The following PNMA8C variants were observed in gnomAD, a reference collection of about 807,000 sequenced individuals.
PNMA8C encodes the protein paraneoplastic antigen-like protein 8C.
rs1213831545 is a variant in PNMA8C, at chr19:46,425,011, T to C, written c.*2734A>G. ...GAGAAGTGGTAGGATTTTGATTTCA[T>C]GGGCAACATTGAACAACCACGCATG... is the stretch of plus-strand genomic sequence containing the variant. On this transcript the variant is annotated 3_prime_UTR_variant, in exon 1 of 1. Transcript: ENST00000617053. The C allele has an allele frequency of 6.6e-6, 1 of 152,230 alleles. No homozygotes were observed. The highest frequency in any genetic ancestry group is 2.4e-5 in the African/African-American group (1 of 41,462). 9.4% of individuals were successfully genotyped at this position (152,230 alleles called of 1,614,324 possible). A position where few individuals can be genotyped will look rare whatever the true frequency, so the allele number is the denominator to read the frequency against.
rs1419910224 is a variant in PNMA8C at position 46,427,984 on chromosome 19, C to A, written c.376G>T (p.Ala126Ser). Residue 126 changes from alanine (A) to serine (S), a missense_variant, in exon 1 of 1, where the codon GCC becomes TCC. Ala to Ser is a moderately conservative substitution (Grantham distance 99). Transcript: ENST00000617053. ...CACAGTTCCTGCCTCAGGACCCGGG[C>A]CATATCCTCCACCGTCCTGCCCTCG... is the stretch of plus-strand genomic sequence containing the variant. ...QSEGRTVEDM[A>S]RVLRQELCPP... 2.5e-6 allele frequency: 1 copy of A among 398,572 alleles called. No individual in the cohort carries two copies. Among genetic ancestry groups the A allele is most frequent in the African/African-American group, 2.1e-5 (1 of 48,610 alleles). 24.7% of individuals were successfully genotyped at this position (398,572 alleles called of 1,614,324 possible).
In PNMA8C at chr19:46,428,865, G is replaced by A. The variant is rs1342002537; in HGVS notation, c.-506C>T. ...GCGCGTCCCTCACCGCTGGCCCAGA[G>A]GTTGCACTCAGTGCCCTGTCGCCGG... On this transcript the variant is annotated 5_prime_UTR_variant, in exon 1 of 1. Transcript: ENST00000617053. 6.5e-6 allele frequency: 1 copy of A among 152,734 alleles called. No individual in the cohort carries two copies. Among genetic ancestry groups the A allele is most frequent in the Admixed American group, 6.5e-5 (1 of 15,302 alleles). The allele number at this position is 152,734 out of a possible 1,614,324, so 9.5% of individuals were successfully genotyped here.
rs1601469918 is a variant in PNMA8C at position 46,427,699 on chromosome 19, C to A, written c.*46G>T. The A allele has an allele frequency of 2.5e-6, 1 of 398,068 alleles. No individual in the cohort carries two copies. The highest frequency in any genetic ancestry group is 4.4e-6 in the Non-Finnish European group (1 of 226,092). 24.7% of individuals were successfully genotyped at this position (398,068 alleles called of 1,614,324 possible). ...GGTACCTACCCTCCCACAGTCATCA[C>A]CCACACCCCCTCAGACACTCCCCAC... On this transcript the variant is annotated 3_prime_UTR_variant, in exon 1 of 1. Transcript: ENST00000617053.
Position 46,425,442 on chromosome 19 carries a change from G to C in PNMA8C, c.*2303C>G, listed in dbSNP as rs546563873. The C allele has an allele frequency of 6.6e-6, 1 of 152,058 alleles. No homozygotes were observed. The highest frequency in any genetic ancestry group is 2.4e-5 in the African/African-American group (1 of 41,342). The allele number at this position is 152,058 out of a possible 1,614,324, so 9.4% of individuals were successfully genotyped here. On this transcript the variant is annotated 3_prime_UTR_variant, in exon 1 of 1. Transcript: ENST00000617053. ...GTCTCTACTAAAAATACAAAAATTAGCTGGGCGTGGTGGTGCGCACCTGTA... is the reference window on the plus strand; with the variant it reads ...GTCTCTACTAAAAATACAAAAATTACCTGGGCGTGGTGGTGCGCACCTGTA...
Position 46,428,465 on chromosome 19 carries a change from C to G in PNMA8C, c.-106G>C. On this transcript the variant is annotated 5_prime_UTR_variant, in exon 1 of 1. Coordinates refer to ENST00000617053, the MANE Select transcript of PNMA8C (RefSeq NM_001386793.1). ...TGCCGCGATTCCTTCCCAAAGGCTA[C>G]GAGAGAGTGAGGCCTCAGGGGCCGG... The G allele has an allele frequency of 2.5e-6, 1 of 397,952 alleles. No individual in the cohort carries two copies. The highest frequency in any genetic ancestry group is 4.4e-6 in the Non-Finnish European group (1 of 226,114). 24.7% of individuals were successfully genotyped at this position (397,952 alleles called of 1,614,324 possible).
In PNMA8C at chr19:46,424,822, AG is replaced by A. The variant is rs1176634272; in HGVS notation, c.*2922del. The A allele has an allele frequency of 2.0e-5, 3 of 152,218 alleles. No individual in the cohort carries two copies. Among genetic ancestry groups the A allele is most frequent in the Non-Finnish European group, 4.4e-5 (3 of 68,048 alleles). 9.4% of individuals were successfully genotyped at this position (152,218 alleles called of 1,614,324 possible). A position where few individuals can be genotyped will look rare whatever the true frequency, so the allele number is the denominator to read the frequency against. On this transcript the variant is annotated 3_prime_UTR_variant, in exon 1 of 1. Transcript: ENST00000617053. ...TCAGGGGTTTACAGAAGCCAGATGC[AG>A]CCCTCCAACAGCTGGCACATTCAAT...
rs1969416787 is a variant in PNMA8C at position 46,425,936 on chromosome 19, A to C, written c.*1809T>G. 6.6e-6 allele frequency: 1 copy of C among 152,122 alleles called. No individual in the cohort carries two copies. The allele number at this position is 152,122 out of a possible 1,614,324, so 9.4% of individuals were successfully genotyped here. On this transcript the variant is annotated 3_prime_UTR_variant, in exon 1 of 1. Transcript: ENST00000617053. ...TCTGACATTACAATTTGGTAGGCTG[A>C]GTCTTTGTGTTGTGTGTAAGTTACA... is the stretch of plus-strand genomic sequence containing the variant.
rs1969421046 is a variant in PNMA8C, at chr19:46,426,494, G to A, written c.*1251C>T. The A allele has an allele frequency of 6.6e-6, 1 of 151,820 alleles. No individual in the cohort carries two copies. Among genetic ancestry groups the A allele is most frequent in the Non-Finnish European group, 1.5e-5 (1 of 67,984 alleles). 9.4% of individuals were successfully genotyped at this position (151,820 alleles called of 1,614,324 possible). On this transcript the variant is annotated 3_prime_UTR_variant, in exon 1 of 1. Transcript: ENST00000617053. ...AGTTTGTGCCAGAGGTACATTCAAG[G>A]TACATGCTTTTGAAACACAGAAAAC...
In PNMA8C at chr19:46,428,563, C is replaced by A. The variant is rs1969437058; in HGVS notation, c.-204G>T. Reference sequence around the variant, plus strand: ...AGCCCCTGCCTGCAGGGCTGTGCAACGTCGGGGCTTCTGTGGCTCCCTCTG... The same window carrying A: ...AGCCCCTGCCTGCAGGGCTGTGCAAAGTCGGGGCTTCTGTGGCTCCCTCTG... On this transcript the variant is annotated 5_prime_UTR_variant, in exon 1 of 1. Coordinates refer to ENST00000617053, the MANE Select transcript of PNMA8C (RefSeq NM_001386793.1). The A allele has an allele frequency of 2.5e-6, 1 of 394,384 alleles. No individual in the cohort carries two copies. Among genetic ancestry groups the A allele is most frequent in the Non-Finnish European group, 4.5e-6 (1 of 223,842 alleles). The allele number at this position is 394,384 out of a possible 1,614,324, so 24.4% of individuals were successfully genotyped here. A position where few individuals can be genotyped will look rare whatever the true frequency, so the allele number is the denominator to read the frequency against.
Position 46,424,808 on chromosome 19 carries a change from C to T in PNMA8C, c.*2937G>A, listed in dbSNP as rs898266117. ...ACCCCCTTTTGAAATCAGGGGTTTA[C>T]AGAAGCCAGATGCAGCCCTCCAACA... On this transcript the variant is annotated 3_prime_UTR_variant, in exon 1 of 1. Coordinates refer to ENST00000617053, the MANE Select transcript of PNMA8C (RefSeq NM_001386793.1). The T allele has an allele frequency of 1.3e-5, 2 of 152,168 alleles. No homozygotes were observed. The highest frequency in any genetic ancestry group is 2.9e-5 in the Non-Finnish European group (2 of 68,024). The allele number at this position is 152,168 out of a possible 1,614,324, so 9.4% of individuals were successfully genotyped here.
In PNMA8C at chr19:46,428,046, A is replaced by G. The variant is rs1969432931; in HGVS notation, c.314T>C (p.Ile105Thr). The G allele has an allele frequency of 1.5e-5, 6 of 398,440 alleles. No individual in the cohort carries two copies. Among genetic ancestry groups the G allele is most frequent in the Non-Finnish European group, 2.7e-5 (6 of 226,144 alleles). The allele number at this position is 398,440 out of a possible 1,614,324, so 24.7% of individuals were successfully genotyped here. ...GAGGTTCAGCTTGGTCAGGAATTCA[A>G]TGTCCTGCTTCCGGGGCATGTAGAC... ...RVVYMPRKQD[I>T]EFLTKLNLFL... The change falls in exon 1 of 1, where the codon ATT becomes ACT. Residue 105 changes from isoleucine (I) to threonine (T), a missense_variant. Transcript: ENST00000617053.
At position 46,425,153 on chromosome 19, in the gene PNMA8C, T is replaced by C. The variant is rs957654910; in HGVS notation, c.*2592A>G. The C allele has an allele frequency of 6.6e-6, 1 of 152,076 alleles. No individual in the cohort carries two copies. Among genetic ancestry groups the C allele is most frequent in the Non-Finnish European group, 1.5e-5 (1 of 68,048 alleles). 9.4% of individuals were successfully genotyped at this position (152,076 alleles called of 1,614,324 possible). ...ACTATCCCTTATTATACAACGATTA[T>C]GCCTTGATGGGAGAGCAGCATGCAA... On this transcript the variant is annotated 3_prime_UTR_variant, in exon 1 of 1. Coordinates refer to ENST00000617053, the MANE Select transcript of PNMA8C (RefSeq NM_001386793.1).
In PNMA8C at chr19:46,425,226, G is replaced by C. The variant is rs939673084; in HGVS notation, c.*2519C>G. 1 of 152,100 alleles carries C rather than the reference G, an allele frequency of 6.6e-6. No homozygotes were observed. The highest frequency in any genetic ancestry group is 2.4e-5 in the African/African-American group (1 of 41,370). The allele number at this position is 152,100 out of a possible 1,614,324, so 9.4% of individuals were successfully genotyped here. A position where few individuals can be genotyped will look rare whatever the true frequency, so the allele number is the denominator to read the frequency against. On this transcript the variant is annotated 3_prime_UTR_variant, in exon 1 of 1. Transcript: ENST00000617053. ...AGCATTTATTCAAGCTCAGACTCTG[G>C]GATGCAATAACGAACACAGTAGTAC... is the stretch of plus-strand genomic sequence containing the variant.
In PNMA8C at chr19:46,424,766, T is replaced by G. The variant is rs981089853; in HGVS notation, c.*2979A>C. The G allele has an allele frequency of 6.6e-6, 1 of 152,152 alleles. No homozygotes were observed. Among genetic ancestry groups the G allele is most frequent in the Non-Finnish European group, 1.5e-5 (1 of 68,024 alleles). The allele number at this position is 152,152 out of a possible 1,614,324, so 9.4% of individuals were successfully genotyped here. A position where few individuals can be genotyped will look rare whatever the true frequency, so the allele number is the denominator to read the frequency against. On this transcript the variant is annotated 3_prime_UTR_variant, in exon 1 of 1. Transcript: ENST00000617053. ...AGAGCATCTCAATCACAAAGAACAA[T>G]GAAGAGTTTTAGCTGAACCCCCTTT...
In PNMA8C at chr19:46,426,450, G is replaced by C. The variant is rs1418583914; in HGVS notation, c.*1295C>G. On this transcript the variant is annotated 3_prime_UTR_variant, in exon 1 of 1. Coordinates refer to ENST00000617053, the MANE Select transcript of PNMA8C (RefSeq NM_001386793.1). ...GTTTCTGCTTGACATGCGCAAAACA[G>C]GGTGGCCCACTCCGAACAAGTTTGT... 1 of 152,062 alleles carries C rather than the reference G, an allele frequency of 6.6e-6. No individual in the cohort carries two copies. The highest frequency in any genetic ancestry group is 1.9e-4 in the East Asian group (1 of 5,180). The allele number at this position is 152,062 out of a possible 1,614,324, so 9.4% of individuals were successfully genotyped here. A position where few individuals can be genotyped will look rare whatever the true frequency, so the allele number is the denominator to read the frequency against.
At position 46,425,220 on chromosome 19, in the gene PNMA8C, A is replaced by G. The variant is rs557881413; in HGVS notation, c.*2525T>C. 7 of 152,146 alleles carry G rather than the reference A, an allele frequency of 4.6e-5. No individual in the cohort carries two copies. Among genetic ancestry groups the G allele is most frequent in the Admixed American group, 2.6e-4 (4 of 15,272 alleles). The allele number at this position is 152,146 out of a possible 1,614,324, so 9.4% of individuals were successfully genotyped here. ...TTTCGTAGCATTTATTCAAGCTCAG[A>G]CTCTGGGATGCAATAACGAACACAG... On this transcript the variant is annotated 3_prime_UTR_variant, in exon 1 of 1. Transcript: ENST00000617053.
In PNMA8C at chr19:46,428,234, C is replaced by A; in HGVS notation, c.126G>T (p.Glu42Asp). 1 of 398,708 alleles carries A rather than the reference C, an allele frequency of 2.5e-6. No homozygotes were observed. 24.7% of individuals were successfully genotyped at this position (398,708 alleles called of 1,614,324 possible). Residue 42 changes from glutamate to aspartate, a missense_variant, in exon 1 of 1, where the codon GAG (glutamate) becomes GAT (aspartate). By Grantham distance (45) the Glu-to-Asp change is conservative. Transcript: ENST00000617053. ...PEDCNHEEFE[E>D]IIRLPLKPLG... ...GAGGTTTGAGGGGCAGCCGAATAAT[C>A]TCTTCGAATTCCTCGTGGTTGCAGT...
chr19:46,427,085 T>G lies in PNMA8C; in HGVS notation c.*660A>C, dbSNP rs536267474. 3 of 152,348 alleles carry G rather than the reference T, an allele frequency of 2.0e-5. No individual in the cohort carries two copies. In the South Asian group the frequency reaches 6.2e-4, roughly 32 times the overall value. The allele number at this position is 152,348 out of a possible 1,614,324, so 9.4% of individuals were successfully genotyped here. ...CCACACTCACTAACGTGTATTCAAGTAACCCAAATGTTACCCGCACCTACT... is the reference window on the plus strand; with the variant it reads ...CCACACTCACTAACGTGTATTCAAGGAACCCAAATGTTACCCGCACCTACT... On this transcript the variant is annotated 3_prime_UTR_variant, in exon 1 of 1. Coordinates refer to ENST00000617053, the MANE Select transcript of PNMA8C (RefSeq NM_001386793.1).
Position 46,428,070 on chromosome 19 carries a change from A to C in PNMA8C, c.290T>G (p.Val97Gly), listed in dbSNP as rs1213469930. Residue 97 changes from valine to glycine, a missense_variant, in exon 1 of 1, where the codon GTC (valine) becomes GGC (glycine). By Grantham distance (109) the Val-to-Gly change is moderately radical. Coordinates refer to ENST00000617053, the MANE Select transcript of PNMA8C (RefSeq NM_001386793.1). ...AATGTCCTGCTTCCGGGGCATGTAG[A>C]CCACTCTCCACACACCGCCCTTGCC... Reference protein sequence around the residue: ...IKGKGGVWRVVYMPRKQDIEF... With the variant: ...IKGKGGVWRVGYMPRKQDIEF... 1 of 398,428 alleles carries C rather than the reference A, an allele frequency of 2.5e-6. No homozygotes were observed. The highest frequency in any genetic ancestry group is 4.4e-6 in the Non-Finnish European group (1 of 226,136). 24.7% of individuals were successfully genotyped at this position (398,428 alleles called of 1,614,324 possible). A position where few individuals can be genotyped will look rare whatever the true frequency, so the allele number is the denominator to read the frequency against.
Sources: gnomAD v4.1 joint callset for allele counts on GRCh38, gnomAD v4.1.1 for gene constraint, MANE v1.5 for transcripts, NCBI Gene and HGNC (gene_info 2026-07-23, HGNC 2026-07-21) for gene names.